RNF157: variants seen among roughly 807,000 people sequenced by gnomAD.
RNF157 encodes the protein ring finger protein 157.
In RNF157, 55 loss-of-function variants were observed where a neutral mutation model predicts 88.3. The observed-to-expected ratio is 0.62, with a 90% confidence interval of 0.50 to 0.78. The LOEUF is 0.78. Ranked by LOEUF, RNF157 falls within the 30% of genes least tolerant of loss-of-function variation. The pLI is 0.00. For synonymous variants in RNF157, 334 were observed against 341.2 expected (o/e 0.98, Z 0.23); for missense variants, 788 against 860.8 (o/e 0.92, Z 1.06).
rs141883913 is a variant in RNF157, at chr17:76,205,638, T to C, written c.207+6726A>G. Among the ~76,000 whole-genome samples, 891 of 152,030 alleles carry C rather than the reference T, an allele frequency of 5.9e-3. 10 individuals are homozygous for C. Among genetic ancestry groups the C allele is most frequent in the African/African-American group, 0.021 (850 of 41,452 alleles). ...TACTTGGGAGGCTGAAGCAGAAGAATTGCTTGAACCTGGGAAGCAGAGGTT... is the reference window on the plus strand; with the variant it reads ...TACTTGGGAGGCTGAAGCAGAAGAACTGCTTGAACCTGGGAAGCAGAGGTT... On this transcript the variant is annotated intron_variant, in intron 2 of 18. Transcript: ENST00000269391.
Position 76,145,328 on chromosome 17 carries a change from G to A in RNF157, c.1947C>T (p.Ala649=), listed in dbSNP as rs554914546. Residue 649 remains alanine (A), a synonymous_variant, in exon 19 of 19, where the codon GCC becomes GCT. Transcript: ENST00000269391. ...LPGAWQADDN[A]VSRNAQRRRL... The stretch of plus-strand genomic sequence containing the variant: ...GCCGGCGCTGGGCATTCCGACTGAC[G>A]GCATTGTCATCAGCCTGCCAGGCAC... The A allele has an allele frequency of 6.2e-6, 10 of 1,612,842 alleles. No homozygotes were observed. Among genetic ancestry groups the A allele is most frequent in the African/African-American group, 5.3e-5 (4 of 75,060 alleles).
At chr17:76,156,713 G>C (rs1389980707) in intron 13 of RNF157, among the ~76,000 whole-genome samples, 1 of 152,146 alleles carries the variant, frequency 6.6e-6, no homozygotes, top group African/African-American at 2.4e-5. Context: ...CTGCCTGCAG[G>C]GTATCTCCAC....
chr17:76,227,582 T>C (rs2070114671), intron 1 of RNF157, among the ~76,000 whole-genome samples: 1 of 151,764 alleles, frequency 6.6e-6, no homozygotes, highest in Non-Finnish European at 1.5e-5. Flanking sequence ...GTCACACAGA[T>C]AGTAAGAGGT....
At chr17:76,235,928 G>C (rs1257934868) in intron 1 of RNF157, among the ~76,000 whole-genome samples, 1 of 152,174 alleles carries the variant, frequency 6.6e-6, no homozygotes, top group African/African-American at 2.4e-5. Flanking sequence ...AAGATCGCTT[G>C]AGCCCAGGAC....
At chr17:76,217,521 A>G (rs2069909802) in intron 1 of RNF157, among the ~76,000 whole-genome samples, 1 of 152,152 alleles carries the variant, frequency 6.6e-6, no homozygotes. Flanking sequence ...AGCTATGTAT[A>G]GCTACTAGAT....
chr17:76,226,913 C>T (rs1045009989), intron 1 of RNF157: 78 of 867,892 alleles, frequency 9.0e-5, no homozygotes, highest in South Asian at 7.3e-4. Flanking sequence ...TGGCTTAAGC[C>T]GCTGGGGGGT....
chr17:76,239,402 C>T (rs1030205485), intron 1 of RNF157, among the ~76,000 whole-genome samples: 1 of 152,124 alleles, frequency 6.6e-6, no homozygotes, highest in Non-Finnish European at 1.5e-5. Flanking sequence ...TACTTCTATA[C>T]GTTTCCAATA....
intron 1 of RNF157, among the ~76,000 whole-genome samples, chr17:76,223,585 A>C (rs1334960931): frequency 6.6e-6 from 1 of 152,220 alleles, no homozygotes; most frequent in Non-Finnish European, 1.5e-5. Flanking sequence ...AAAATGCTTA[A>C]CCATATAAAA....
chr17:76,176,511 T>A lies in RNF157; in HGVS notation c.208-2721A>T, dbSNP rs74601024. Among the ~76,000 whole-genome samples, 1,790 of 152,372 alleles carry A rather than the reference T, an allele frequency of 0.012. 29 individuals are homozygous for A. Among genetic ancestry groups the A allele is most frequent in the African/African-American group, 0.041 (1,686 of 41,590 alleles). ...ACTCTCGAAATTTCTTAGTGAGTTA[T>A]CTTCCTTTCAAAAATTACCATTTAT... On this transcript the variant is annotated intron_variant, in intron 2 of 18. Transcript: ENST00000269391. The surrounding 1 kb of genome is among the most constrained non-coding windows in gnomAD (Gnocchi z 4.2).
At chr17:76,190,163 GCTCT>G (rs145686252) in intron 2 of RNF157, among the ~76,000 whole-genome samples, 18,479 of 148,514 alleles carry the variant, frequency 0.12, 1,163 homozygotes, top group South Asian at 0.23. Flanking sequence ...CTAACTGCTT[GCTCT>G]CTCTTTTTTT....
At chr17:76,196,616 C>T (rs574541391) in intron 2 of RNF157, among the ~76,000 whole-genome samples, 2 of 152,124 alleles carry the variant, frequency 1.3e-5, no homozygotes, top group African/African-American at 2.4e-5. Flanking sequence ...GAAGTATGTA[C>T]GGGAGTGTAG....
rs2144831929 is a variant in RNF157, at chr17:76,160,097, G to C, written c.1066-524C>G. ...GGCCTCCCAAAGTGCTAGGATTACA[G>C]ATGTAAGCCACCATGCCTGGCCAGA... On this transcript the variant is annotated intron_variant, in intron 11 of 18. Transcript: ENST00000269391. This position sits in a 1 kb window ranked among gnomAD's most constrained non-coding sequence, Gnocchi z 4.3. 6.6e-6 allele frequency among the ~76,000 whole-genome samples: 1 copy of C among 152,304 alleles called. No homozygotes were observed. The highest frequency in any genetic ancestry group is 1.5e-5 in the Non-Finnish European group (1 of 68,036).
intron 2 of RNF157, among the ~76,000 whole-genome samples, chr17:76,182,755 C>T (rs1196032549): frequency 1.3e-5 from 1 of 79,822 alleles, no homozygotes; most frequent in Non-Finnish European, 2.2e-5. Flanking sequence ...ATTCAGGCCT[C>T]GTCTCATATA....
At chr17:76,194,226 C>T (rs1336687544) in intron 2 of RNF157, among the ~76,000 whole-genome samples, 1 of 152,180 alleles carries the variant, frequency 6.6e-6, no homozygotes, top group East Asian at 1.9e-4. Flanking sequence ...CTCTAGTCAA[C>T]TCCTCCATGC....
intron 2 of RNF157, among the ~76,000 whole-genome samples, chr17:76,206,906 A>C (rs1305000134): frequency 2.0e-5 from 3 of 152,198 alleles, no homozygotes; most frequent in Non-Finnish European, 4.4e-5. Flanking sequence ...ATTACAAGGA[A>C]TCTTCCAAGC....
chr17:76,224,231 A>AT (rs2070038364), intron 1 of RNF157, among the ~76,000 whole-genome samples: 1 of 152,238 alleles, frequency 6.6e-6, no homozygotes, highest in Admixed American at 6.6e-5. Context: ...ATCATTTTGA[A>AT]TTTAAGTTTT....
intron 18 of RNF157, chr17:76,147,307 C>T (rs778273258): frequency 4.9e-5 from 48 of 985,674 alleles, no homozygotes; most frequent in Middle Eastern, 1.0e-3. Flanking sequence ...TCCGGAGCTG[C>T]GGCTGTTCAG....
chr17:76,158,533 C>A (rs765118405), intron 12 of RNF157, 32 bp from the exon 13 acceptor site: 12 of 1,453,054 alleles, frequency 8.3e-6, no homozygotes, highest in African/African-American at 1.4e-5. Context: ...GCAGCTATAT[C>A]CAACGTCCAT....
intron 1 of RNF157, among the ~76,000 whole-genome samples, chr17:76,224,731 AG>A (rs1275046332): frequency 2.7e-5 from 4 of 148,854 alleles, no homozygotes; most frequent in African/African-American, 1.0e-4. Flanking sequence ...AAAAAAAAAA[AG>A]AAAGAAACTG....
Sources: allele counts gnomAD v4.1 joint callset (sites outside exome capture counted in the v4.1 genomes callset), GRCh38; gene constraint gnomAD v4.1.1; non-coding constraint Gnocchi (gnomAD v3.1); transcripts MANE v1.5; gene names NCBI Gene and HGNC (gene_info 2026-07-23, HGNC 2026-07-21).